DLG1: variants seen among roughly 807,000 people sequenced by gnomAD.
DLG1 encodes disks large homolog 1.
In DLG1, 42 loss-of-function variants were observed where a neutral mutation model predicts 123.4. The observed-to-expected ratio is 0.34, with a 90% CI of 0.27 to 0.44. The LOEUF (loss-of-function observed/expected upper bound fraction) is 0.44. Ranked by LOEUF, DLG1 falls within the 20% of genes least tolerant of loss-of-function variation. DLG1 has a pLI of 1.00. For synonymous variants in DLG1, 317 were observed against 356.2 expected (o/e 0.89, Z 1.24); for missense variants, 942 against 1,082.6 (o/e 0.87, Z 1.82).
chr3:197,270,881 C>T (rs1157499178), intron 4 of DLG1, among the ~76,000 whole-genome samples: 2 of 152,060 alleles, frequency 1.3e-5, no homozygotes, highest in Non-Finnish European at 2.9e-5. Flanking sequence ...TTCCTCTTAC[C>T]AGAAATACAA....
chr3:197,052,839 A>G (rs1728877472), intron 23 of DLG1, among the ~76,000 whole-genome samples: 1 of 152,236 alleles, frequency 6.6e-6, no homozygotes, highest in Non-Finnish European at 1.5e-5. Flanking sequence ...GAGAATCTAT[A>G]GGTTAAACAA....
At chr3:197,188,598 A>G (rs1332325273) in intron 5 of DLG1, among the ~76,000 whole-genome samples, 1 of 152,218 alleles carries the variant, frequency 6.6e-6, no homozygotes, top group African/African-American at 2.4e-5. Flanking sequence ...TCAGCAAACC[A>G]CTGTTAATTC....
rs182911617 is a variant in DLG1, at chr3:197,123,018, T to A, written c.1166-3488A>T. Among the ~76,000 whole-genome samples the A allele has an allele frequency of 2.9e-3, 441 of 152,236 alleles. 2 individuals carry two copies. The highest frequency in any genetic ancestry group is 3.4e-3 in the Middle Eastern group (1 of 294). ...GAAACAGAAGAGCCTAGAAATAGGT[T>A]CATATATATGTGGTCACTTAAAAGA... On this transcript the variant is annotated intron_variant, in intron 11 of 24. Transcript: ENST00000667157.
At chr3:197,158,877 AT>A (rs1192055359) in intron 5 of DLG1, among the ~76,000 whole-genome samples, 2 of 152,178 alleles carry the variant, frequency 1.3e-5, no homozygotes, top group Admixed American at 6.5e-5. Context: ...CAATACTTTA[AT>A]TACATGATAG....
intron 4 of DLG1, among the ~76,000 whole-genome samples, chr3:197,207,488 A>T (rs1729184042): frequency 1.3e-5 from 2 of 152,222 alleles, no homozygotes; most frequent in African/African-American, 4.8e-5. Flanking sequence ...GGCCAACAGA[A>T]AATTTATTCA....
chr3:197,187,760 C>A (rs1407360090), intron 5 of DLG1, among the ~76,000 whole-genome samples: 4 of 152,048 alleles, frequency 2.6e-5, no homozygotes, highest in African/African-American at 9.7e-5. Context: ...TTTCCTAATT[C>A]TCAGCTCATT....
chr3:197,212,121 A>G (rs894038752), intron 4 of DLG1, among the ~76,000 whole-genome samples: 4 of 146,312 alleles, frequency 2.7e-5, no homozygotes, highest in African/African-American at 7.3e-5. Context: ...AGGAGCAGAA[A>G]AGGTAACTAC....
intron 4 of DLG1, among the ~76,000 whole-genome samples, chr3:197,237,911 G>A (rs1746840401): frequency 6.6e-6 from 1 of 152,200 alleles, no homozygotes; most frequent in African/African-American, 2.4e-5. Context: ...CTGATTTTAT[G>A]AAGTTTTAGT....
chr3:197,297,225 A>G lies in DLG1; in HGVS notation c.-21T>C, dbSNP rs1279534947. The G allele has an allele frequency of 6.2e-7, 1 of 1,614,122 alleles. No homozygotes were observed. The highest frequency in any genetic ancestry group is 1.7e-5 in the Admixed American group (1 of 60,032). ...GGCATTTTTCTCCAGAATCAGGAAG[A>G]GGGCACACACCTTTAAAACACACAA... is the stretch of plus-strand genomic sequence containing the variant. On this transcript the variant is annotated 5_prime_UTR_variant, in exon 2 of 25. Coordinates refer to ENST00000667157, the MANE Select transcript of DLG1 (RefSeq NM_001366207.1).
chr3:197,050,291 CG>C (rs1467364454), intron 24 of DLG1, among the ~76,000 whole-genome samples: 2 of 151,608 alleles, frequency 1.3e-5, no homozygotes, highest in African/African-American at 4.8e-5. Context: ...GGCGTGAACA[CG>C]GAAGGCGGAG....
intron 4 of DLG1, among the ~76,000 whole-genome samples, chr3:197,217,882 T>G (rs1734901459): frequency 6.6e-6 from 1 of 152,248 alleles, no homozygotes; most frequent in African/African-American, 2.4e-5. Flanking sequence ...TTCACAGGTG[T>G]ACACAGATGT....
Position 197,065,270 on chromosome 3 carries a change from G to GCTTACCTTTTCTGCTA in DLG1, c.2363_2373+5dup. 6.3e-7 allele frequency: 1 copy of GCTTACCTTTTCTGCTA among 1,597,462 alleles called. No homozygotes were observed. Among genetic ancestry groups the GCTTACCTTTTCTGCTA allele is most frequent in the Admixed American group, 1.8e-5 (1 of 56,776 alleles). ...AGCTATATTCTGGGATTAGTCTGAT[G>GCTTACCTTTTCTGCTA]CTTACCTTTTCTGCTACTTCTCGTA... On this transcript the variant is annotated splice_donor_region_variant and intron_variant, in intron 22 of 24. Transcript: ENST00000667157.
intron 5 of DLG1, chr3:197,184,097 T>G: frequency 8.5e-7 from 1 of 1,173,242 alleles, no homozygotes; most frequent in Non-Finnish European, 1.1e-6. Flanking sequence ...CACCAGCGTC[T>G]GCAGGAACCA....
In DLG1 at chr3:197,091,786, T is replaced by C. The variant is rs192899880; in HGVS notation, c.1547-760A>G. ...ACATATCTTTTTTCCCCTCTATTTA[T>C]AACAAATTGCAGACAACTAGGTCAT... On this transcript the variant is annotated intron_variant, in intron 14 of 24. Transcript: ENST00000667157. 1.1e-3 allele frequency among the ~76,000 whole-genome samples: 168 copies of C among 152,226 alleles called. 1 individual carries two copies. Among genetic ancestry groups the C allele is most frequent in the Non-Finnish European group, 6.8e-4 (46 of 67,958 alleles).
At chr3:197,104,423 G>A (rs958867055) in intron 14 of DLG1, among the ~76,000 whole-genome samples, 12 of 151,980 alleles carry the variant, frequency 7.9e-5, no homozygotes, top group African/African-American at 2.7e-4. Context: ...GGCTCACACC[G>A]GTAATCACAG....
intron 5 of DLG1, among the ~76,000 whole-genome samples, chr3:197,182,142 T>A (rs1038576487): frequency 2.6e-5 from 4 of 152,102 alleles, no homozygotes; most frequent in South Asian, 2.1e-4. Flanking sequence ...TATATATATA[T>A]AAAAAGTTCT....
chr3:197,145,444 A>G (rs150701268), intron 6 of DLG1, among the ~76,000 whole-genome samples: 41 of 152,328 alleles, frequency 2.7e-4, no homozygotes, highest in African/African-American at 9.6e-4. Flanking sequence ...TATTTTTAGA[A>G]ACCTCAAAAT....
At chr3:197,266,605 CCT>C (rs957206769) in intron 4 of DLG1, among the ~76,000 whole-genome samples, 2 of 151,800 alleles carry the variant, frequency 1.3e-5, no homozygotes, top group African/African-American at 4.8e-5. Context: ...GCAGCAAGAC[CCT>C]GTCTCCAAAA....
intron 4 of DLG1, among the ~76,000 whole-genome samples, chr3:197,230,832 GA>G (rs1742553496): frequency 6.6e-6 from 1 of 152,136 alleles, no homozygotes; most frequent in Non-Finnish European, 1.5e-5. Context: ...ACATCTTAAA[GA>G]ATATTTGAAT....
Sources: allele counts gnomAD v4.1 joint callset (sites outside exome capture counted in the v4.1 genomes callset), GRCh38; gene constraint gnomAD v4.1.1; transcripts MANE v1.5; gene names NCBI Gene and HGNC (gene_info 2026-07-23, HGNC 2026-07-21).